The following KIDINS220 variants were observed in gnomAD, a reference collection of about 807,000 sequenced individuals.
KIDINS220 encodes the protein kinase D interacting substrate 220.
In KIDINS220, 63 loss-of-function variants were observed where a neutral mutation model predicts 157.6. The ratio of observed to expected loss-of-function variants is 0.40; its 90% CI spans 0.33 to 0.49. The LOEUF is 0.49. Among genes scored for constraint, KIDINS220 ranks in the 20% least tolerant of loss-of-function variants. The pLI is 0.66. For missense variants in KIDINS220, 1,772 were observed against 2,171.2 expected, an observed-to-expected ratio of 0.82 and a Z score of 3.65; for synonymous variants, 732 against 783.6, an observed-to-expected ratio of 0.93 and a Z score of 1.10.
intron 15 of KIDINS220, among the ~76,000 whole-genome samples, chr2:8,788,262 T>C (rs78444426): frequency 0.066 from 9,678 of 146,578 alleles, 989 homozygotes; most frequent in African/African-American, 0.22. Flanking sequence ...AGAAATTATA[T>C]TCTATAAACT....
At position 8,729,445 on chromosome 2, in the gene KIDINS220, C is replaced by T; in HGVS notation, c.*1275G>A. 1.0e-6 allele frequency: 1 copy of T among 985,408 alleles called. No homozygotes were observed. Among genetic ancestry groups the T allele is most frequent in the Non-Finnish European group, 1.2e-6 (1 of 829,894 alleles). The allele number at this position is 985,408 out of a possible 1,614,324, so 61.0% of individuals were successfully genotyped here. Reference sequence around the variant, plus strand: ...CCAGAATTCATTCTACATAAATGAGCTATGTTAAAACGATAACAATATTTC... The same window carrying T: ...CCAGAATTCATTCTACATAAATGAGTTATGTTAAAACGATAACAATATTTC... On this transcript the variant is annotated 3_prime_UTR_variant, in exon 30 of 30. Transcript: ENST00000256707.
intron 1 of KIDINS220, among the ~76,000 whole-genome samples, chr2:8,830,857 G>A (rs1405673295): frequency 6.6e-6 from 1 of 152,212 alleles, no homozygotes. Flanking sequence ...ACAAAGTTGG[G>A]AGGGGGTTAC....
intron 22 of KIDINS220, among the ~76,000 whole-genome samples, chr2:8,766,027 G>A (rs1222777054): frequency 6.6e-6 from 1 of 152,000 alleles, no homozygotes. Context: ...CTCAGGCCAA[G>A]CTGCACTGAT....
Position 8,793,904 on chromosome 2 carries a change from C to T in KIDINS220, c.1182G>A (p.Gly394=), listed in dbSNP as rs776644093. 1 of 1,613,940 alleles carries T rather than the reference C, an allele frequency of 6.2e-7. No individual in the cohort carries two copies. The highest frequency in any genetic ancestry group is 1.7e-5 in the Admixed American group (1 of 60,002). Reference sequence around the variant, plus strand: ...CTTTGTTGGGCCTATAAAGTAATCGCCCATCTTTGGGATTTCTTAAAAGCA... The same window carrying T: ...CTTTGTTGGGCCTATAAAGTAATCGTCCATCTTTGGGATTTCTTAAAAGCA... ...AELLLRNPKD[G]RLLYRPNKAG... The change falls in exon 12 of 30, where the codon GGG becomes GGA. Residue 394 remains glycine, a synonymous_variant. Coordinates refer to ENST00000256707, the MANE Select transcript of KIDINS220 (RefSeq NM_020738.4).
At position 8,733,580 on chromosome 2, in the gene KIDINS220, C is replaced by A; in HGVS notation, c.3917G>T (p.Arg1306Leu). ...AGGCAGCTCGTTGTGGGAAGCGCGG[C>A]GAGCAGGCTCACCGTGCGGGGCTGG... Reference protein sequence around the residue: ...SGPAPHGEPARRASHNELPHT... With the variant: ...SGPAPHGEPALRASHNELPHT... Residue 1306 changes from arginine (R) to leucine (L), a missense_variant, in exon 29 of 30, where the codon CGC becomes CTC. Physicochemically the swap from Arg to Leu is moderately radical, Grantham distance 102. Transcript: ENST00000256707. The A allele has an allele frequency of 6.2e-7, 1 of 1,614,072 alleles. No homozygotes were observed. The highest frequency in any genetic ancestry group is 8.5e-7 in the Non-Finnish European group (1 of 1,180,014).
At chr2:8,735,877 G>A (rs1158675708) in intron 27 of KIDINS220, among the ~76,000 whole-genome samples, 1 of 152,152 alleles carries the variant, frequency 6.6e-6, no homozygotes, top group African/African-American at 2.4e-5. Context: ...GAGCTGAGTG[G>A]GGAGAAAACC....
At chr2:8,790,954 T>A in intron 13 of KIDINS220, 106 bp downstream of exon 13, 1 of 1,006,780 alleles carries the variant, frequency 9.9e-7, no homozygotes, top group Non-Finnish European at 1.4e-6. Context: ...GTAAACCACA[T>A]AACACACATG....
At chr2:8,723,803 T>C (rs571996937), downstream of KIDINS220, 1 of 152,370 alleles carries the variant, frequency 6.6e-6, no homozygotes, top group African/African-American at 2.4e-5. Context: ...TCTATTAATT[T>C]ATAAGATGGG....
intron 22 of KIDINS220, among the ~76,000 whole-genome samples, chr2:8,756,424 T>A (rs1248440034): frequency 6.6e-6 from 1 of 152,230 alleles, no homozygotes; most frequent in Non-Finnish European, 1.5e-5. Context: ...GATTCTTTTA[T>A]TTATTTTGCC....
chr2:8,802,246 C>T (rs2148328928), intron 8 of KIDINS220, among the ~76,000 whole-genome samples: 1 of 152,286 alleles, frequency 6.6e-6, no homozygotes, highest in South Asian at 2.1e-4. Context: ...CAAAGAAGTA[C>T]ACACGAGATT....
chr2:8,786,369 G>C lies in KIDINS220; in HGVS notation c.1788-12C>G. ...CTGTAAACAAAAACCTTGAAGAAAA[G>C]AACAAATCAAACATTACTTTATTAT... is the stretch of plus-strand genomic sequence containing the variant. On this transcript the variant is annotated splice_polypyrimidine_tract_variant and intron_variant, in intron 15 of 29. Transcript: ENST00000256707. 6.2e-7 allele frequency: 1 copy of C among 1,603,682 alleles called. No homozygotes were observed. Among genetic ancestry groups the C allele is most frequent in the Non-Finnish European group, 8.5e-7 (1 of 1,171,804 alleles).
intron 26 of KIDINS220, among the ~76,000 whole-genome samples, chr2:8,744,172 T>A (rs1187977580): frequency 6.9e-6 from 1 of 144,782 alleles, no homozygotes; most frequent in Non-Finnish European, 1.5e-5. Context: ...ATATATATTA[T>A]TTATATTATA....
intron 22 of KIDINS220, among the ~76,000 whole-genome samples, chr2:8,766,159 CATG>C: frequency 6.6e-6 from 1 of 151,916 alleles, no homozygotes; most frequent in East Asian, 1.9e-4. Flanking sequence ...AAAAGGGGTC[CATG>C]AACCCCACTG....
At chr2:8,810,775 G>A (rs989308435) in intron 6 of KIDINS220, among the ~76,000 whole-genome samples, 1 of 151,246 alleles carries the variant, frequency 6.6e-6, no homozygotes, top group Non-Finnish European at 1.5e-5. Context: ...GACAGAGCGA[G>A]ACTCTGTCAA....
intron 1 of KIDINS220, among the ~76,000 whole-genome samples, chr2:8,831,295 A>G (rs1170856911): frequency 6.6e-6 from 1 of 152,036 alleles, no homozygotes; most frequent in Non-Finnish European, 1.5e-5. Context: ...TTCCAGCCTT[A>G]TCTTTCTCCC....
chr2:8,762,109 A>AT (rs1572545049), intron 22 of KIDINS220, among the ~76,000 whole-genome samples: 2 of 152,012 alleles, frequency 1.3e-5, no homozygotes, highest in South Asian at 2.1e-4. Context: ...ACAAGTAATA[A>AT]TTTTTTTTAC....
intron 15 of KIDINS220, 77 bp from the exon 16 acceptor site, chr2:8,786,434 T>A: frequency 9.3e-7 from 1 of 1,069,990 alleles, no homozygotes; most frequent in Non-Finnish European, 1.4e-6. Flanking sequence ...CATCTTTGCA[T>A]CACTTACCCT....
intron 29 of KIDINS220, among the ~76,000 whole-genome samples, chr2:8,732,392 C>T (rs186635735): frequency 7.8e-4 from 119 of 152,286 alleles, no homozygotes; most frequent in African/African-American, 2.8e-3. Context: ...CCCACATGCT[C>T]GGCCACAGCA....
Position 8,733,427 on chromosome 2 carries a change from T to C in KIDINS220, c.4053+17A>G. 1 of 1,581,084 alleles carries C rather than the reference T, an allele frequency of 6.3e-7. No individual in the cohort carries two copies. On this transcript the variant is annotated intron_variant, in intron 29 of 29. Transcript: ENST00000256707. ...GCTTATTCTTCAATAATATGAAAAA[T>C]GCCATTCAATAAATACCTGCCAACT...
Sources: gnomAD v4.1 joint callset for allele counts (sites outside exome capture counted in the v4.1 genomes callset) on GRCh38, gnomAD v4.1.1 for gene constraint, MANE v1.5 for transcripts, NCBI Gene and HGNC (gene_info 2026-07-23, HGNC 2026-07-21) for gene names.